Variants in USP34 observed in about 807,000 individuals in gnomAD.
USP34 encodes ubiquitin carboxyl-terminal hydrolase 34.
In USP34, 70 loss-of-function variants were observed where a neutral mutation model predicts 460.3. The observed-to-expected ratio is 0.15, with a 90% CI of 0.13 to 0.19. The LOEUF is 0.19. Among genes scored for constraint, USP34 ranks in the 10% least tolerant of loss-of-function variants. The pLI is 1.00. For missense variants in USP34, 3,985 were observed against 4,236.2 expected, an observed-to-expected ratio of 0.94 and a Z score of 1.65; for synonymous variants, 1,647 against 1,405.3, an observed-to-expected ratio of 1.17 and a Z score of -3.85.
At chr2:61,304,932 G>A (rs1690354420) in intron 27 of USP34, among the ~76,000 whole-genome samples, 1 of 151,994 alleles carries the variant, frequency 6.6e-6, no homozygotes, top group Non-Finnish European at 1.5e-5. Flanking sequence ...AGCATTTCAA[G>A]ACAAAATGAA....
chr2:61,322,055 C>G (rs1021785196), intron 21 of USP34, among the ~76,000 whole-genome samples: 1 of 152,032 alleles, frequency 6.6e-6, no homozygotes, highest in African/African-American at 2.4e-5. Context: ...ATGAAGAAAC[C>G]CCATCTCTAC....
At chr2:61,347,724 AAT>A in intron 15 of USP34, 144 bp downstream of exon 15, 1 of 1,427,246 alleles carries the variant, frequency 7.0e-7, no homozygotes, top group South Asian at 1.5e-5. Context: ...GAAAACTTGA[AAT>A]TATCTATTTG....
chr2:61,287,019 G>C (rs995720460), intron 34 of USP34, among the ~76,000 whole-genome samples: 1 of 152,102 alleles, frequency 6.6e-6, no homozygotes. Flanking sequence ...AAACATTATA[G>C]TAATGTAAGG....
chr2:61,323,229 A>G (rs1246197981), intron 21 of USP34, among the ~76,000 whole-genome samples: 1 of 152,160 alleles, frequency 6.6e-6, no homozygotes, highest in Admixed American at 6.5e-5. Flanking sequence ...TTTAAAAATT[A>G]GGCTGGGCGC....
At chr2:61,250,000 C>T in intron 48 of USP34, 1 of 159,668 alleles carries the variant, frequency 6.3e-6, no homozygotes, top group Non-Finnish European at 1.4e-5. Flanking sequence ...GTAATACCAG[C>T]ACTTTGGAGG....
At chr2:61,323,779 G>A (rs1240899466) in intron 21 of USP34, among the ~76,000 whole-genome samples, 2 of 152,094 alleles carry the variant, frequency 1.3e-5, no homozygotes, top group Non-Finnish European at 2.9e-5. Context: ...ATGTGTTTTA[G>A]TTTGACTTCT....
intron 76 of USP34, among the ~76,000 whole-genome samples, chr2:61,192,523 G>C (rs1398747883): frequency 6.6e-6 from 1 of 152,210 alleles, no homozygotes; most frequent in African/African-American, 2.4e-5. Context: ...TTCTGCTAGA[G>C]GTTTTGGAAT....
At chr2:61,396,484 C>G (rs541543783) in intron 3 of USP34, among the ~76,000 whole-genome samples, 1 of 112,338 alleles carries the variant, frequency 8.9e-6, no homozygotes, top group Non-Finnish European at 1.8e-5. Flanking sequence ...CATAACCATT[C>G]CAGCTAATTT....
In USP34 at chr2:61,301,460, A is replaced by G. The variant is rs1350406750; in HGVS notation, c.3818-6T>C. Reference sequence around the variant, plus strand: ...GACAGGTCCCATGAGGCCTCCTTAAAAACAGCAAAACATGGAAATGAATTT... The same window carrying G: ...GACAGGTCCCATGAGGCCTCCTTAAGAACAGCAAAACATGGAAATGAATTT... On this transcript the variant is annotated splice_polypyrimidine_tract_variant and splice_region_variant and intron_variant, in intron 27 of 79. Transcript: ENST00000398571. The G allele has an allele frequency of 6.2e-7, 1 of 1,605,348 alleles. No homozygotes were observed. The highest frequency in any genetic ancestry group is 1.3e-5 in the African/African-American group (1 of 74,554).
Position 61,470,797 on chromosome 2 carries a change from G to T in USP34, c.-105C>A. The T allele has an allele frequency of 1.1e-6, 1 of 899,486 alleles. No individual in the cohort carries two copies. 55.7% of individuals were successfully genotyped at this position (899,486 alleles called of 1,614,324 possible). A position where few individuals can be genotyped will look rare whatever the true frequency, so the allele number is the denominator to read the frequency against. On this transcript the variant is annotated 5_prime_UTR_variant, in exon 1 of 80. Coordinates refer to ENST00000398571, the MANE Select transcript of USP34 (RefSeq NM_014709.4). The stretch of plus-strand genomic sequence containing the variant: ...CGGAGGAGGGGGCCGGCCGGCCGGC[G>T]GGGCGGGGAGGCGACTAGGGCGGGC...
chr2:61,422,525 A>T (rs1166770889), intron 1 of USP34, among the ~76,000 whole-genome samples: 1 of 152,208 alleles, frequency 6.6e-6, no homozygotes, highest in Non-Finnish European at 1.5e-5. Flanking sequence ...CATCATACTC[A>T]AAGGTGAAAG....
chr2:61,271,297 T>A (rs1689206290), intron 41 of USP34, among the ~76,000 whole-genome samples: 1 of 152,224 alleles, frequency 6.6e-6, no homozygotes, highest in South Asian at 2.1e-4. Flanking sequence ...CTTTATCTTC[T>A]TCAAAGCCTT....
chr2:61,383,242 G>T, intron 6 of USP34, 27 bp downstream of exon 6: 1 of 1,511,420 alleles, frequency 6.6e-7, no homozygotes, highest in Non-Finnish European at 9.1e-7. Context: ...ACTGATAATC[G>T]GGGGTAAAGA....
At chr2:61,405,560 A>G in intron 3 of USP34, 148 bp downstream of exon 3, 1 of 842,658 alleles carries the variant, frequency 1.2e-6, no homozygotes, top group Non-Finnish European at 1.8e-6. Context: ...AAACTGCTGA[A>G]GAAATGCTCT....
At position 61,220,873 on chromosome 2, in the gene USP34, A is replaced by G. The variant is rs542434399; in HGVS notation, c.7900-416T>C. 1.1e-4 allele frequency among the ~76,000 whole-genome samples: 16 copies of G among 152,320 alleles called. No homozygotes were observed. In the South Asian group the frequency reaches 2.9e-3, roughly 28 times the overall value. On this transcript the variant is annotated intron_variant, in intron 66 of 79. Coordinates refer to ENST00000398571, the MANE Select transcript of USP34 (RefSeq NM_014709.4). ...CTGCTGTGGAGAGTTTCTTCATGAG[A>G]AAGGGGAATCCTAGGAATCTAGAGT...
chr2:61,380,867 A>C (rs1692948286), intron 6 of USP34, among the ~76,000 whole-genome samples: 1 of 152,232 alleles, frequency 6.6e-6, no homozygotes, highest in African/African-American at 2.4e-5. Flanking sequence ...ACTGACATGA[A>C]GCCAACTACA....
chr2:61,259,796 AC>A lies in USP34; in HGVS notation c.5779-21del. On this transcript the variant is annotated intron_variant, in intron 43 of 79. Coordinates refer to ENST00000398571, the MANE Select transcript of USP34 (RefSeq NM_014709.4). ...TGAATACTGAAAATCAAGAGAAAAC[AC>A]CATTAAAAACACAGACATGATGGTA... 2 of 1,609,320 alleles carry A rather than the reference AC, an allele frequency of 1.2e-6. No individual in the cohort carries two copies. Among genetic ancestry groups the A allele is most frequent in the African/African-American group, 1.3e-5 (1 of 74,946 alleles).
chr2:61,250,278 A>G, intron 48 of USP34: 1 of 181,852 alleles, frequency 5.5e-6, no homozygotes, highest in Admixed American at 6.3e-5. Flanking sequence ...AGAAGTTGAA[A>G]GCATTTTGAA....
At chr2:61,191,588 G>T (rs1334143604) in intron 76 of USP34, among the ~76,000 whole-genome samples, 1 of 152,100 alleles carries the variant, frequency 6.6e-6, no homozygotes, top group Non-Finnish European at 1.5e-5. Flanking sequence ...TGCTCAGGAT[G>T]GCTGCTTCTA....
Sources: gnomAD v4.1 joint callset for allele counts (sites outside exome capture counted in the v4.1 genomes callset) on GRCh38, gnomAD v4.1.1 for gene constraint, MANE v1.5 for transcripts, NCBI Gene and HGNC (gene_info 2026-07-23, HGNC 2026-07-21) for gene names.